GINS1: variants seen among roughly 807,000 people sequenced by gnomAD.
GINS1 encodes GINS complex subunit 1.
A neutral mutation model predicts 34.9 loss-of-function variants in GINS1; 26 were observed. That is an observed-to-expected ratio of 0.74 (90% CI 0.55 to 1.03). GINS1 has a LOEUF of 1.03. GINS1 is among the 50% of genes least tolerant of loss of function. The pLI is 0.00. For missense variants in GINS1, 235 were observed against 237.9 expected (o/e 0.99, Z 0.08); for synonymous variants, 97 against 84.4 (o/e 1.15, Z -0.82).
intron 1 of GINS1, among the ~76,000 whole-genome samples, chr20:25,409,840 T>G (rs1248760181): frequency 6.6e-6 from 1 of 152,164 alleles, no homozygotes; most frequent in African/African-American, 2.4e-5. Context: ...AGTGTGTAAA[T>G]GCTAAAATGT....
At chr20:25,425,569 A>C (rs574363139) in intron 5 of GINS1, among the ~76,000 whole-genome samples, 105 of 152,332 alleles carry the variant, frequency 6.9e-4, no homozygotes, top group Middle Eastern at 3.4e-3. Flanking sequence ...TATTACTAAA[A>C]CAAAGTTAAA....
At position 25,447,491 on chromosome 20, in the gene GINS1, T is replaced by G. The variant is rs2090518951; in HGVS notation, c.*1500T>G. 1 of 152,268 alleles carries G rather than the reference T, an allele frequency of 6.6e-6. No individual in the cohort carries two copies. The highest frequency in any genetic ancestry group is 1.5e-5 in the Non-Finnish European group (1 of 68,048). The allele number at this position is 152,268 out of a possible 1,614,324, so 9.4% of individuals were successfully genotyped here. On this transcript the variant is annotated 3_prime_UTR_variant, in exon 7 of 7. Transcript: ENST00000262460. Reference sequence around the variant, plus strand: ...TTGCATTTTTGTTAAAAAGTAGTTGTCAATGTATATGTGGGTTTATTTCAG... The same window carrying G: ...TTGCATTTTTGTTAAAAAGTAGTTGGCAATGTATATGTGGGTTTATTTCAG...
rs767509629 is a variant in GINS1, at chr20:25,418,237, A to C, written c.330+42A>C. On this transcript the variant is annotated intron_variant, in intron 4 of 6. Coordinates refer to ENST00000262460, the MANE Select transcript of GINS1 (RefSeq NM_021067.5). Reference sequence around the variant, plus strand: ...CAAGTTTATAAATTTTGAAAATGCTAAAGTTCTGGCATTGTTCTATAATAG... The same window carrying C: ...CAAGTTTATAAATTTTGAAAATGCTCAAGTTCTGGCATTGTTCTATAATAG... 10 of 1,109,466 alleles carry C rather than the reference A, an allele frequency of 9.0e-6. No homozygotes were observed. In the East Asian group the frequency reaches 2.3e-4, roughly 26 times the overall value. 68.7% of individuals were successfully genotyped at this position (1,109,466 alleles called of 1,614,324 possible). A position where few individuals can be genotyped will look rare whatever the true frequency, so the allele number is the denominator to read the frequency against.
At chr20:25,421,180 T>C (rs1007699391) in intron 4 of GINS1, among the ~76,000 whole-genome samples, 10 of 152,152 alleles carry the variant, frequency 6.6e-5, no homozygotes, top group Non-Finnish European at 2.9e-5. Context: ...CAGTCCTTCA[T>C]GAATAAAAAG....
chr20:25,417,526 C>A (rs530110224), intron 3 of GINS1, among the ~76,000 whole-genome samples: 7 of 152,002 alleles, frequency 4.6e-5, no homozygotes, highest in Admixed American at 4.6e-4. Flanking sequence ...CTACTGAATA[C>A]GGTAGTGTTC....
chr20:25,442,325 C>CATCTATCT (rs748913229), intron 6 of GINS1, among the ~76,000 whole-genome samples: 2 of 147,760 alleles, frequency 1.4e-5, no homozygotes, highest in Non-Finnish European at 3.0e-5. Context: ...AATCTTTATC[C>CATCTATCT]ATCTATCTAT....
intron 4 of GINS1, among the ~76,000 whole-genome samples, chr20:25,422,101 A>G (rs980389793): frequency 1.3e-5 from 2 of 152,066 alleles, no homozygotes; most frequent in Non-Finnish European, 2.9e-5. Context: ...GCACATGCAA[A>G]CACATCTGAA....
At chr20:25,410,250 A>G (rs2090275424) in intron 1 of GINS1, among the ~76,000 whole-genome samples, 1 of 151,952 alleles carries the variant, frequency 6.6e-6, no homozygotes, top group African/African-American at 2.4e-5. Flanking sequence ...CTGAGGCAGG[A>G]GAATGGCTTG....
At chr20:25,425,787 CAA>C (rs1285112614) in intron 5 of GINS1, among the ~76,000 whole-genome samples, 4 of 152,056 alleles carry the variant, frequency 2.6e-5, no homozygotes, top group East Asian at 1.9e-4. Flanking sequence ...TTAGTCAAAA[CAA>C]GAGGTATTTT....
intron 5 of GINS1, among the ~76,000 whole-genome samples, chr20:25,434,563 C>T (rs1168828920): frequency 3.3e-5 from 5 of 152,096 alleles, no homozygotes; most frequent in East Asian, 3.8e-4. Flanking sequence ...TCTCCTGCCT[C>T]GGCCTCCTAA....
At chr20:25,418,709 A>G (rs982055401) in intron 4 of GINS1, among the ~76,000 whole-genome samples, 3 of 152,222 alleles carry the variant, frequency 2.0e-5, no homozygotes, top group Non-Finnish European at 4.4e-5. Flanking sequence ...ACAGGTTGCA[A>G]TGACTTTTGA....
intron 1 of GINS1, 46 bp downstream of exon 1, chr20:25,407,941 T>A: frequency 2.5e-6 from 3 of 1,211,682 alleles, no homozygotes; most frequent in Non-Finnish European, 3.7e-6. Flanking sequence ...CGTTGGGCCC[T>A]GGGCTCTGGG....
At chr20:25,430,129 T>C (rs187371277) in intron 5 of GINS1, among the ~76,000 whole-genome samples, 1 of 152,324 alleles carries the variant, frequency 6.6e-6, no homozygotes, top group Admixed American at 6.5e-5. Context: ...GCCAGGCTGG[T>C]TTTGAACTCC....
intron 6 of GINS1, among the ~76,000 whole-genome samples, chr20:25,442,338 A>ATCTGTCTGTCTGTCTG (rs56170743): frequency 6.7e-6 from 1 of 149,308 alleles, no homozygotes; most frequent in African/African-American, 2.5e-5. Context: ...CTATCTATCT[A>ATCTGTCTGTCTGTCTG]TCTGTCTGTC....
intron 4 of GINS1, among the ~76,000 whole-genome samples, chr20:25,424,174 T>C (rs1175958046): frequency 2.0e-5 from 3 of 152,192 alleles, no homozygotes; most frequent in African/African-American, 7.2e-5. Flanking sequence ...AGTCTATCTG[T>C]TCTTATACCA....
In GINS1 at chr20:25,434,450, T is replaced by TTTCTTC; in HGVS notation, c.448-7250_448-7249insCTTCTT. On this transcript the variant is annotated intron_variant, in intron 5 of 6. Coordinates refer to ENST00000262460, the MANE Select transcript of GINS1 (RefSeq NM_021067.5). ...TCTAACGAACAGTAATTTTTTTTCT[T>TTTCTTC]TTTTTTTTAAAGAGACAAGGTCTTG... 3.4e-5 allele frequency among the ~76,000 whole-genome samples: 5 copies of TTTCTTC among 147,908 alleles called. No individual in the cohort carries two copies. The South Asian group carries it at 1.1e-3, about 32-fold the overall frequency.
intron 5 of GINS1, among the ~76,000 whole-genome samples, chr20:25,427,869 A>ATTTTTT (rs11411051): frequency 1.5e-4 from 14 of 94,274 alleles, no homozygotes; most frequent in Admixed American, 2.6e-4. Flanking sequence ...CCAGTTCGTC[A>ATTTTTT]TTTTTTTTTT....
At chr20:25,434,885 C>T (rs1015018390) in intron 5 of GINS1, among the ~76,000 whole-genome samples, 2 of 152,212 alleles carry the variant, frequency 1.3e-5, no homozygotes, top group Non-Finnish European at 2.9e-5. Flanking sequence ...ATGCAGTGTC[C>T]TTGCATAGCA....
intron 1 of GINS1, among the ~76,000 whole-genome samples, chr20:25,410,941 C>A (rs1009930461): frequency 6.6e-6 from 1 of 152,072 alleles, no homozygotes; most frequent in Admixed American, 6.6e-5. Context: ...TACACCCTTT[C>A]TATATGCAGA....
Sources: gnomAD v4.1 joint callset for allele counts (sites outside exome capture counted in the v4.1 genomes callset) on GRCh38, gnomAD v4.1.1 for gene constraint, MANE v1.5 for transcripts, NCBI Gene and HGNC (gene_info 2026-07-23, HGNC 2026-07-21) for gene names.